The following PHACTR4 variants were observed in gnomAD, a reference collection of about 807,000 sequenced individuals.
PHACTR4 encodes phosphatase and actin regulator 4.
PHACTR4 carries 51 observed loss-of-function variants against 72.7 expected under a neutral mutation model. That is an observed-to-expected ratio of 0.70 (90% CI 0.56 to 0.89). The LOEUF (loss-of-function observed/expected upper bound fraction) is 0.89. Among genes scored for constraint, PHACTR4 ranks in the 40% least tolerant of loss-of-function variants. PHACTR4 has a pLI of 0.00. For missense variants in PHACTR4, 731 were observed against 861.8 expected (o/e 0.85, Z 1.90); for synonymous variants, 255 against 302.5 (o/e 0.84, Z 1.63).
At chr1:28,448,879 G>A (rs1025227749) in intron 2 of PHACTR4, among the ~76,000 whole-genome samples, 2 of 144,804 alleles carry the variant, frequency 1.4e-5, no homozygotes, top group Non-Finnish European at 3.0e-5. Context: ...CGGGGGTGGG[G>A]GGACAAGGCA....
chr1:28,377,979 C>CCT (rs1289727576), intron 1 of PHACTR4, among the ~76,000 whole-genome samples: 37 of 146,946 alleles, frequency 2.5e-4, no homozygotes, highest in Middle Eastern at 4.1e-3. Flanking sequence ...GGGCGGATCA[C>CCT]GAGGTCAGGA....
chr1:28,472,416 A>G (rs1216367228), intron 6 of PHACTR4, among the ~76,000 whole-genome samples: 2 of 152,152 alleles, frequency 1.3e-5, no homozygotes, highest in African/African-American at 4.8e-5. Context: ...CTTCAAGGAC[A>G]AAAAACACTT....
chr1:28,452,178 A>G (rs934907244), intron 2 of PHACTR4, among the ~76,000 whole-genome samples: 3 of 151,968 alleles, frequency 2.0e-5, no homozygotes, highest in Admixed American at 2.0e-4. Context: ...GTATTGACAG[A>G]TTGTTTGGAG....
chr1:28,383,013 G>C (rs1396390519), intron 1 of PHACTR4, among the ~76,000 whole-genome samples: 1 of 151,846 alleles, frequency 6.6e-6, no homozygotes, highest in Non-Finnish European at 1.5e-5. Flanking sequence ...GGCTGGTCTC[G>C]AACTCCTGAC....
intron 1 of PHACTR4, among the ~76,000 whole-genome samples, chr1:28,371,233 C>T (rs1651221698): frequency 1.3e-5 from 2 of 152,304 alleles, no homozygotes; most frequent in East Asian, 1.9e-4. Context: ...CCACCAGAGG[C>T]TCCCAGATGC....
At chr1:28,468,416 C>T (rs372977082) in intron 6 of PHACTR4, among the ~76,000 whole-genome samples, 59 of 152,084 alleles carry the variant, frequency 3.9e-4, no homozygotes, top group African/African-American at 9.4e-4. Flanking sequence ...CATGGTGAAA[C>T]GCCATCTCTA....
At chr1:28,472,578 A>AT (rs1048190116) in intron 6 of PHACTR4, among the ~76,000 whole-genome samples, 1 of 151,426 alleles carries the variant, frequency 6.6e-6, no homozygotes, top group Non-Finnish European at 1.5e-5. Flanking sequence ...GAATGTTTAA[A>AT]TTTTTTAATG....
chr1:28,390,597 C>T (rs1165348495), intron 1 of PHACTR4, among the ~76,000 whole-genome samples: 1 of 151,962 alleles, frequency 6.6e-6, no homozygotes, highest in Non-Finnish European at 1.5e-5. Context: ...TGAGACCAGC[C>T]TGGCCAACAT....
At chr1:28,446,712 G>C (rs376009360) in intron 2 of PHACTR4, among the ~76,000 whole-genome samples, 1 of 152,052 alleles carries the variant, frequency 6.6e-6, no homozygotes, top group East Asian at 1.9e-4. Context: ...CCTGGAGGCG[G>C]AGGTTGTCGT....
chr1:28,434,923 T>C (rs1486917478), intron 2 of PHACTR4, among the ~76,000 whole-genome samples: 2 of 152,212 alleles, frequency 1.3e-5, no homozygotes, highest in African/African-American at 4.8e-5. Flanking sequence ...TATCTTGTTA[T>C]ACTCTTGTAT....
At chr1:28,489,797 A>T (rs752143917) in intron 10 of PHACTR4, 1 of 519,024 alleles carries the variant, frequency 1.9e-6, no homozygotes, top group Admixed American at 1.9e-5. Flanking sequence ...ATTTGGCCTT[A>T]AAAGTCTCCT....
rs546431381 is a variant in PHACTR4 at position 28,493,652 on chromosome 1, G to A, written c.2093+561G>A. 1.1e-3 allele frequency among the ~76,000 whole-genome samples: 163 copies of A among 152,262 alleles called. 1 individual carries two copies. The highest frequency in any genetic ancestry group is 3.7e-3 in the African/African-American group (155 of 41,554). On this transcript the variant is annotated intron_variant, in intron 13 of 13. Coordinates refer to ENST00000373839, the MANE Select transcript of PHACTR4 (RefSeq NM_001048183.3). ...GTTAACATCCCCATTTTATCACTGA[G>A]GAAATGGAGGCTCACAATGGTTAAG... is the stretch of plus-strand genomic sequence containing the variant.
Position 28,473,759 on chromosome 1 carries a change from G to T in PHACTR4, c.1029G>T (p.Pro343=), listed in dbSNP as rs376062945. The part of the protein sequence containing the change: ...ELLPMISPRS[P]SPPLPTHIPP... Reference sequence around the variant, plus strand: ...TACCAATGATCTCACCTCGCTCTCCGTCCCCCCCACTGCCTACTCATATAC... The same window carrying T: ...TACCAATGATCTCACCTCGCTCTCCTTCCCCCCCACTGCCTACTCATATAC... The change falls in exon 7 of 14, where the codon CCG becomes CCT. Residue 343 remains proline (P), a synonymous_variant. Coordinates refer to ENST00000373839, the MANE Select transcript of PHACTR4 (RefSeq NM_001048183.3). 6.2e-7 allele frequency: 1 copy of T among 1,613,822 alleles called. No individual in the cohort carries two copies. The highest frequency in any genetic ancestry group is 8.5e-7 in the Non-Finnish European group (1 of 1,179,962).
At chr1:28,394,762 A>T (rs1653357073) in intron 1 of PHACTR4, among the ~76,000 whole-genome samples, 1 of 150,968 alleles carries the variant, frequency 6.6e-6, no homozygotes, top group Non-Finnish European at 1.5e-5. Flanking sequence ...ACGCCTGGCT[A>T]ATTTTGTATT....
chr1:28,465,515 C>T (rs1659093216), intron 4 of PHACTR4, among the ~76,000 whole-genome samples, 170 bp from the exon 5 acceptor site: 1 of 152,072 alleles, frequency 6.6e-6, no homozygotes, highest in South Asian at 2.1e-4. Flanking sequence ...CTTCGGGAGA[C>T]CAAGGCGGGC....
At chr1:28,401,773 A>AT (rs1044638871) in intron 1 of PHACTR4, among the ~76,000 whole-genome samples, 4 of 152,106 alleles carry the variant, frequency 2.6e-5, no homozygotes, top group Non-Finnish European at 2.9e-5. Flanking sequence ...TAATTTTTAA[A>AT]TTTTTTTAGA....
chr1:28,483,717 T>G (rs1455801384), intron 9 of PHACTR4, among the ~76,000 whole-genome samples: 2 of 142,118 alleles, frequency 1.4e-5, no homozygotes, highest in Non-Finnish European at 3.0e-5. Flanking sequence ...GAGAATGGCA[T>G]GAACCTGGGA....
Position 28,438,299 on chromosome 1 carries a change from CCT to C in PHACTR4, c.17-20783_17-20782del, listed in dbSNP as rs1217341239. The C allele has an allele frequency of 4.4e-5, 68 of 1,551,714 alleles. No individual in the cohort carries two copies. The Admixed American group carries it at 1.3e-3, about 29-fold the overall frequency. On this transcript the variant is annotated intron_variant, in intron 2 of 13. Transcript: ENST00000373839. ...GACACTGAAAGAGGACCGCATGTCCCCTCTTTATGTGGATTTATCTTTTATGA... is the reference window on the plus strand; with the variant it reads ...GACACTGAAAGAGGACCGCATGTCCCCTTTATGTGGATTTATCTTTTATGA...
At chr1:28,425,740 G>C (rs1655797421) in intron 2 of PHACTR4, among the ~76,000 whole-genome samples, 1 of 152,186 alleles carries the variant, frequency 6.6e-6, no homozygotes. Context: ...CTCACTTAAA[G>C]TGAATATTGA....
Sources: gnomAD v4.1 joint callset for allele counts (sites outside exome capture counted in the v4.1 genomes callset) on GRCh38, gnomAD v4.1.1 for gene constraint, MANE v1.5 for transcripts, NCBI Gene and HGNC (gene_info 2026-07-23, HGNC 2026-07-21) for gene names.